Variants in RSU1 observed in about 807,000 individuals in gnomAD.
RSU1 encodes rsu-1.
Under a neutral mutation model 31.1 loss-of-function variants are expected in RSU1, and 26 were observed. The ratio of observed to expected loss-of-function variants is 0.84; its 90% CI spans 0.61 to 1.16. RSU1 has a LOEUF of 1.16. RSU1 is among the 50% of genes most tolerant of loss of function. The pLI is 0.00. For synonymous variants in RSU1, 164 were observed against 136.3 expected, an observed-to-expected ratio of 1.20 and a Z score of -1.41; for missense variants, 320 against 339.1, an observed-to-expected ratio of 0.94 and a Z score of 0.44.
chr10:16,776,480 A>G (rs1837534303), intron 3 of RSU1, among the ~76,000 whole-genome samples: 1 of 151,614 alleles, frequency 6.6e-6, no homozygotes. Flanking sequence ...CTAATAGGAA[A>G]TAGTGTATAT....
intron 8 of RSU1, among the ~76,000 whole-genome samples, chr10:16,679,889 T>C (rs1362948672): frequency 6.8e-6 from 1 of 146,056 alleles, no homozygotes; most frequent in South Asian, 2.2e-4. Context: ...TTTTTTTTTT[T>C]TTTTTTTTAT....
At chr10:16,789,581 A>G (rs191357516) in intron 2 of RSU1, among the ~76,000 whole-genome samples, 85 of 152,322 alleles carry the variant, frequency 5.6e-4, no homozygotes, top group African/African-American at 1.9e-3. Flanking sequence ...TTAGAAAAGA[A>G]GGGAGAAAAG....
At chr10:16,684,385 G>A (rs1257961890) in intron 8 of RSU1, among the ~76,000 whole-genome samples, 2 of 152,118 alleles carry the variant, frequency 1.3e-5, no homozygotes, top group Non-Finnish European at 2.9e-5. Flanking sequence ...TACGAATTTT[G>A]GCAAGATAAA....
chr10:16,742,777 T>C (rs954961665), intron 7 of RSU1, among the ~76,000 whole-genome samples: 7 of 152,204 alleles, frequency 4.6e-5, no homozygotes, highest in Non-Finnish European at 8.8e-5. Context: ...ACGCTGAACC[T>C]GACACTGGGC....
At chr10:16,778,108 A>G (rs1837573540) in intron 3 of RSU1, among the ~76,000 whole-genome samples, 1 of 149,182 alleles carries the variant, frequency 6.7e-6, no homozygotes, top group African/African-American at 2.5e-5. Context: ...GCAGCCTCAA[A>G]CTCCTGGGTT....
intron 7 of RSU1, among the ~76,000 whole-genome samples, chr10:16,706,528 A>G (rs7916182): frequency 0.52 from 79,766 of 152,006 alleles, 21,137 homozygotes; most frequent in East Asian, 0.7. Flanking sequence ...ACAATTTACA[A>G]ATATTTTCTC....
At chr10:16,755,041 C>T (rs747226642) in intron 4 of RSU1, 52 bp from the exon 5 acceptor site, 9 of 1,097,108 alleles carry the variant, frequency 8.2e-6, no homozygotes, top group Admixed American at 5.5e-5. Flanking sequence ...CACATTCATA[C>T]AGACTATCAA....
At chr10:16,758,211 G>A (rs1044403569) in intron 4 of RSU1, among the ~76,000 whole-genome samples, 2 of 152,218 alleles carry the variant, frequency 1.3e-5, no homozygotes, top group African/African-American at 2.4e-5. Flanking sequence ...AGAATTGCTA[G>A]CAACAGCCCC....
At chr10:16,662,748 C>T (rs1232638112) in intron 8 of RSU1, among the ~76,000 whole-genome samples, 1 of 152,102 alleles carries the variant, frequency 6.6e-6, no homozygotes, top group Admixed American at 6.6e-5. Context: ...TATCTGATCA[C>T]TCATATGCTA....
chr10:16,640,504 G>C (rs150404234), intron 8 of RSU1, among the ~76,000 whole-genome samples: 3 of 152,162 alleles, frequency 2.0e-5, no homozygotes, highest in Admixed American at 6.5e-5. Context: ...TTTGCTACTA[G>C]AGGATAAAAA....
At chr10:16,800,036 AG>A (rs1029199409) in intron 2 of RSU1, among the ~76,000 whole-genome samples, 1 of 152,194 alleles carries the variant, frequency 6.6e-6, no homozygotes, top group Non-Finnish European at 1.5e-5. Context: ...AGGATTCAAC[AG>A]GGAAAATCTA....
chr10:16,664,008 G>A (rs565556384), intron 8 of RSU1, among the ~76,000 whole-genome samples: 39 of 152,082 alleles, frequency 2.6e-4, no homozygotes, highest in Non-Finnish European at 5.6e-4. Flanking sequence ...CTACACTCCA[G>A]GAGTCACAGA....
intron 7 of RSU1, among the ~76,000 whole-genome samples, chr10:16,747,477 T>G (rs1390538187): frequency 6.6e-6 from 1 of 150,444 alleles, no homozygotes; most frequent in Non-Finnish European, 1.5e-5. Flanking sequence ...GCCTTCCAGT[T>G]GCTTAGACCA....
chr10:16,633,082 G>A (rs781171276), intron 8 of RSU1, among the ~76,000 whole-genome samples: 1 of 152,124 alleles, frequency 6.6e-6, no homozygotes, highest in Non-Finnish European at 1.5e-5. Flanking sequence ...GTTTTGGGGG[G>A]CTGTCCTGTG....
At chr10:16,707,436 A>AT (rs1192204352) in intron 7 of RSU1, among the ~76,000 whole-genome samples, 2 of 151,956 alleles carry the variant, frequency 1.3e-5, no homozygotes, top group Non-Finnish European at 2.9e-5. Context: ...GTGAGGTGGT[A>AT]TTTTATCGTG....
At chr10:16,720,603 A>G (rs1836237397) in intron 7 of RSU1, among the ~76,000 whole-genome samples, 1 of 152,248 alleles carries the variant, frequency 6.6e-6, no homozygotes, top group African/African-American at 2.4e-5. Flanking sequence ...TCTCATATAA[A>G]TAAGTATCCT....
At chr10:16,669,096 A>C (rs1478870558) in intron 8 of RSU1, among the ~76,000 whole-genome samples, 1 of 152,180 alleles carries the variant, frequency 6.6e-6, no homozygotes, top group African/African-American at 2.4e-5. Context: ...GTTTCTGTTA[A>C]GAGGAACATT....
chr10:16,689,511 GAAGAAA>G (rs1835500690), intron 8 of RSU1, among the ~76,000 whole-genome samples: 1 of 152,204 alleles, frequency 6.6e-6, no homozygotes, highest in African/African-American at 2.4e-5. Flanking sequence ...ACAGCATGCA[GAAGAAA>G]AATAAAACAT....
At chr10:16,605,462 C>A (rs1434322668) in intron 8 of RSU1, among the ~76,000 whole-genome samples, 3 of 152,158 alleles carry the variant, frequency 2.0e-5, no homozygotes, top group South Asian at 2.1e-4. Context: ...TTACAAATAT[C>A]CAAATACATG....
Sources: gnomAD v4.1 joint callset for allele counts (sites outside exome capture counted in the v4.1 genomes callset) on GRCh38, gnomAD v4.1.1 for gene constraint, MANE v1.5 for transcripts, NCBI Gene and HGNC (gene_info 2026-07-23, HGNC 2026-07-21) for gene names.